Variants in ZC3H18 observed in about 807,000 individuals in gnomAD.
ZC3H18 encodes zinc finger CCCH domain-containing protein 18.
In ZC3H18, 8 loss-of-function variants were observed where a neutral mutation model predicts 106.1. The ratio of observed to expected loss-of-function variants is 0.08; its 90% CI spans 0.04 to 0.14. ZC3H18 has a LOEUF of 0.14. Ranked by LOEUF, ZC3H18 falls within the 10% of genes least tolerant of loss-of-function variation. The pLI, the probability that ZC3H18 is intolerant of heterozygous loss-of-function variation, is 1.00. For missense variants in ZC3H18, 1,318 were observed against 1,278.4 expected (o/e 1.03, Z -0.47); for synonymous variants, 635 against 522.1 (o/e 1.22, Z -2.95).
rs1434116328 is a variant in ZC3H18, at chr16:88,631,663, G to C, written c.*364G>C. On this transcript the variant is annotated 3_prime_UTR_variant, in exon 18 of 18. Transcript: ENST00000301011. ...GCTCTGGGTCCCTAGCCCGGGTCCA[G>C]GCAGCCAGGCTCCCTCCTGAGCTGA... The C allele has an allele frequency of 4.3e-6, 2 of 470,306 alleles. No individual in the cohort carries two copies. The highest frequency in any genetic ancestry group is 3.9e-5 in the African/African-American group (2 of 50,668). 29.1% of individuals were successfully genotyped at this position (470,306 alleles called of 1,614,324 possible).
chr16:88,624,837 C>G, intron 12 of ZC3H18, 92 bp downstream of exon 12: 2 of 1,473,782 alleles, frequency 1.4e-6, no homozygotes, highest in Non-Finnish European at 1.8e-6. Context: ...GTGCCAGGGT[C>G]CAGAGCCAGG....
At position 88,622,238 on chromosome 16, in the gene ZC3H18, G is replaced by A. The variant is rs1388517008; in HGVS notation, c.1517G>A (p.Gly506Glu). ...EPPKKEAATT[G>E]PQVKRADEWK... is the part of the protein sequence containing the mutation. ...CCAAAGAAGGAGGCTGCCACCACGG[G>A]GCCGCAGGTGAAGAGAGCAGATGAG... The change falls in exon 9 of 18, where the codon GGG becomes GAG. Residue 506 changes from glycine (G) to glutamate (E), a missense_variant. Physicochemically the swap from Gly to Glu is moderately conservative, Grantham distance 98 (BLOSUM62 -2). Coordinates refer to ENST00000301011, the MANE Select transcript of ZC3H18 (RefSeq NM_144604.4). 6.2e-7 allele frequency: 1 copy of A among 1,613,242 alleles called. No homozygotes were observed. Among genetic ancestry groups the A allele is most frequent in the South Asian group, 1.1e-5 (1 of 90,954 alleles).
At chr16:88,625,882 G>C (rs1906279021) in intron 13 of ZC3H18, 1 of 101,126 alleles carries the variant, frequency 9.9e-6, no homozygotes, top group South Asian at 3.3e-4. Flanking sequence ...CATTCTTGTT[G>C]CCCAGGCTGG....
At chr16:88,594,424 G>A (rs566317542) in intron 3 of ZC3H18, among the ~76,000 whole-genome samples, 4 of 152,172 alleles carry the variant, frequency 2.6e-5, no homozygotes, top group Non-Finnish European at 5.9e-5. Flanking sequence ...GACATTTAAA[G>A]ATACTTCATG....
chr16:88,620,087 C>T (rs1024062051), intron 8 of ZC3H18, among the ~76,000 whole-genome samples: 2 of 152,186 alleles, frequency 1.3e-5, no homozygotes, highest in African/African-American at 4.8e-5. Flanking sequence ...GGGGAGCTGC[C>T]CCCATCCTGC....
At chr16:88,607,991 C>T (rs952517928) in intron 6 of ZC3H18, among the ~76,000 whole-genome samples, 3 of 152,188 alleles carry the variant, frequency 2.0e-5, no homozygotes, top group Non-Finnish European at 4.4e-5. Context: ...TCCACTCTGC[C>T]TCCTAACTGG....
intron 8 of ZC3H18, among the ~76,000 whole-genome samples, chr16:88,614,900 C>T (rs1028790604): frequency 6.6e-6 from 1 of 152,258 alleles, no homozygotes; most frequent in African/African-American, 2.4e-5. Context: ...ACACCCCCAG[C>T]CGCTCCCTCT....
chr16:88,611,596 C>T lies in ZC3H18; in HGVS notation c.1475+60C>T. 4 of 1,517,958 alleles carry T rather than the reference C, an allele frequency of 2.6e-6. No individual in the cohort carries two copies. The South Asian group carries it at 5.1e-5, about 19-fold the overall frequency. The allele number at this position is 1,517,958 out of a possible 1,614,324, so 94.0% of individuals were successfully genotyped here. A position where few individuals can be genotyped will look rare whatever the true frequency, so the allele number is the denominator to read the frequency against. The stretch of plus-strand genomic sequence containing the variant: ...GGAGGTCCGGCATGCAGCTCTGTAC[C>T]TAGTCCCCCTGGCCTGCGCTTCCCC... On this transcript the variant is annotated intron_variant, in intron 8 of 17. Transcript: ENST00000301011.
chr16:88,629,583 C>T (rs922613663), intron 16 of ZC3H18, among the ~76,000 whole-genome samples: 2 of 152,198 alleles, frequency 1.3e-5, no homozygotes, highest in African/African-American at 4.8e-5. Flanking sequence ...TGACGGAAGA[C>T]GGCTGGACCC....
chr16:88,631,005 C>T (rs984070212), intron 17 of ZC3H18, 96 bp from the exon 18 acceptor site: 81 of 1,507,476 alleles, frequency 5.4e-5, no homozygotes, highest in Non-Finnish European at 6.5e-5. Context: ...CTGGTGGCCG[C>T]TGAGGACACA....
intron 3 of ZC3H18, among the ~76,000 whole-genome samples, chr16:88,595,474 C>CT (rs11302563): frequency 0.38 from 50,754 of 132,752 alleles, 9,885 homozygotes; most frequent in East Asian, 0.55. Context: ...TTCTTTCTTT[C>CT]TTTTTTTTTT....
chr16:88,583,531 G>A (rs1290419603), intron 2 of ZC3H18, among the ~76,000 whole-genome samples: 1 of 152,254 alleles, frequency 6.6e-6, no homozygotes, highest in African/African-American at 2.4e-5. Context: ...AGTCATGACA[G>A]CCTGGACCCA....
In ZC3H18 at chr16:88,631,305, G is replaced by T; in HGVS notation, c.*6G>T. ...AGATCCCCGGGAAAGCATAGGCCGTGCCCCGACCGGACTGGACGCATTTTT... is the reference window on the plus strand; with the variant it reads ...AGATCCCCGGGAAAGCATAGGCCGTTCCCCGACCGGACTGGACGCATTTTT... On this transcript the variant is annotated 3_prime_UTR_variant, in exon 18 of 18. Transcript: ENST00000301011. 2 of 1,568,232 alleles carry T rather than the reference G, an allele frequency of 1.3e-6. No individual in the cohort carries two copies. The highest frequency in any genetic ancestry group is 1.7e-6 in the Non-Finnish European group (2 of 1,156,464).
chr16:88,584,779 T>A (rs980905064), intron 2 of ZC3H18, among the ~76,000 whole-genome samples: 2 of 152,218 alleles, frequency 1.3e-5, no homozygotes, highest in Non-Finnish European at 1.5e-5. Context: ...TCTCCTTTTT[T>A]GCTTCTGTGA....
intron 1 of ZC3H18, chr16:88,571,627 A>G: frequency 1.0e-6 from 1 of 985,392 alleles, no homozygotes; most frequent in South Asian, 4.7e-5. Flanking sequence ...GGACATGCTG[A>G]AATATTGTAA....
chr16:88,571,742 A>C, intron 1 of ZC3H18: 1 of 929,536 alleles, frequency 1.1e-6, no homozygotes, highest in Non-Finnish European at 1.3e-6. Context: ...GAGCATCTCA[A>C]GGTGAGTACC....
chr16:88,582,587 G>A (rs1392960057), intron 2 of ZC3H18, among the ~76,000 whole-genome samples: 1 of 152,080 alleles, frequency 6.6e-6, no homozygotes, highest in Admixed American at 6.6e-5. Context: ...TGCCAAGTGC[G>A]CCCATTCTAT....
Position 88,623,039 on chromosome 16 carries a change from GTGTC to G in ZC3H18, c.1668-177_1668-174del, listed in dbSNP as rs1906063167. On this transcript the variant is annotated intron_variant, in intron 9 of 17. Coordinates refer to ENST00000301011, the MANE Select transcript of ZC3H18 (RefSeq NM_144604.4). ...CACCAAGGAGGGATGGCACTGAAGA[GTGTC>G]TGGGGGAGGCTGTATGCGTCTGTGC... The G allele has an allele frequency of 5.0e-6, 4 of 800,166 alleles. No homozygotes were observed. The East Asian group carries it at 8.3e-5, about 17-fold the overall frequency. 49.6% of individuals were successfully genotyped at this position (800,166 alleles called of 1,614,324 possible).
intron 8 of ZC3H18, among the ~76,000 whole-genome samples, chr16:88,616,799 G>A (rs1905636867): frequency 6.6e-6 from 1 of 152,160 alleles, no homozygotes; most frequent in South Asian, 2.1e-4. Flanking sequence ...TCTGCCTTCA[G>A]CTACCAAGCA....
Sources: gnomAD v4.1 joint callset for allele counts (sites outside exome capture counted in the v4.1 genomes callset) on GRCh38, gnomAD v4.1.1 for gene constraint, MANE v1.5 for transcripts, NCBI Gene and HGNC (gene_info 2026-07-23, HGNC 2026-07-21) for gene names.